The following NMNAT3 variants were observed in gnomAD, a reference collection of about 807,000 sequenced individuals.
NMNAT3 encodes the protein nicotinamide/nicotinic acid mononucleotide adenylyltransferase 3.
NMNAT3 carries 21 observed loss-of-function variants against 24.8 expected under a neutral mutation model. The ratio of observed to expected loss-of-function variants is 0.85; its 90% CI spans 0.60 to 1.22. The LOEUF (loss-of-function observed/expected upper bound fraction) is 1.22, where lower values mean the gene tolerates loss of function less well. Ranked by LOEUF, NMNAT3 falls within the 50% of genes most tolerant of loss-of-function variation. The probability of loss-of-function intolerance (pLI) is 0.00; values close to 1 mark genes in which losing one functional copy is unlikely to be tolerated. For missense variants in NMNAT3, 387 were observed against 436.6 expected, an observed-to-expected ratio of 0.89 and a Z score of 1.01; for synonymous variants, 136 against 155.2, an observed-to-expected ratio of 0.88 and a Z score of 0.92.
intron 3 of NMNAT3, among the ~76,000 whole-genome samples, chr3:139,604,561 A>G (rs1013000814): frequency 6.6e-6 from 1 of 152,206 alleles, no homozygotes; most frequent in African/African-American, 2.4e-5. Flanking sequence ...AAACTGTGGC[A>G]TGAAGAGGTT....
intron 3 of NMNAT3, among the ~76,000 whole-genome samples, chr3:139,621,081 C>T (rs1195866662): frequency 6.6e-6 from 1 of 152,178 alleles, no homozygotes; most frequent in African/African-American, 2.4e-5. Context: ...TGCAATTGGC[C>T]ATATTTAACT....
chr3:139,598,628 C>T lies in NMNAT3; in HGVS notation c.110-15420G>A, dbSNP rs1003888653. Among the ~76,000 whole-genome samples the T allele has an allele frequency of 2.6e-5, 4 of 152,124 alleles. No individual in the cohort carries two copies. The East Asian group carries it at 5.8e-4, about 22-fold the overall frequency. On this transcript the variant is annotated intron_variant, in intron 3 of 6. Transcript: ENST00000643695. The stretch of plus-strand genomic sequence containing the variant: ...AGCTGAGTCCCCAGGTATCATGGAG[C>T]AGGGACAAGCCACCCAGTTGTGCTC...
chr3:139,637,276 C>T (rs2056536440), intron 2 of NMNAT3: 1 of 152,170 alleles, frequency 6.6e-6, no homozygotes, highest in Non-Finnish European at 1.5e-5. Flanking sequence ...CTTTGTCCCT[C>T]AATCCATGAC....
chr3:139,655,440 CAAGT>C (rs1370404943), intron 1 of NMNAT3, among the ~76,000 whole-genome samples: 3 of 152,348 alleles, frequency 2.0e-5, no homozygotes, highest in East Asian at 3.9e-4. Context: ...CTCCAACTAA[CAAGT>C]AAGTCTGCCT....
chr3:139,630,877 G>A (rs1467121390), intron 2 of NMNAT3, among the ~76,000 whole-genome samples: 1 of 152,048 alleles, frequency 6.6e-6, no homozygotes, highest in African/African-American at 2.4e-5. Context: ...TATCTGAAAA[G>A]GTGGCTGTTT....
At chr3:139,573,243 T>G (rs776191163) in intron 6 of NMNAT3, among the ~76,000 whole-genome samples, 1 of 152,226 alleles carries the variant, frequency 6.6e-6, no homozygotes, top group Non-Finnish European at 1.5e-5. Flanking sequence ...TAATGGCATA[T>G]TTTACATTCA....
At chr3:139,656,993 G>GT (rs2057266803) in intron 1 of NMNAT3, among the ~76,000 whole-genome samples, 1 of 152,210 alleles carries the variant, frequency 6.6e-6, no homozygotes, top group Admixed American at 6.5e-5. Context: ...TACTGTACCT[G>GT]TAACTACACT....
chr3:139,604,740 A>G (rs2054865627), intron 3 of NMNAT3, among the ~76,000 whole-genome samples: 1 of 152,202 alleles, frequency 6.6e-6, no homozygotes, highest in Admixed American at 6.5e-5. Context: ...GTATAAATAT[A>G]TCATCTTGCA....
intron 6 of NMNAT3, chr3:139,566,623 C>A (rs1937267738): frequency 6.6e-6 from 1 of 152,090 alleles, no homozygotes; most frequent in South Asian, 2.1e-4. Context: ...ATAGGGAATC[C>A]TTTCCCCATT....
chr3:139,667,494 A>G lies in NMNAT3; in HGVS notation c.-141+10211T>C, dbSNP rs763432045. ...TGCTATTGAGTTGAGTTCTTCATAT[A>G]GGCTTGTTATTAATTCCTTGTCAGA... On this transcript the variant is annotated intron_variant, in intron 1 of 6. Transcript: ENST00000643695. Among the ~76,000 whole-genome samples the G allele has an allele frequency of 4.9e-4, 75 of 152,098 alleles. 2 individuals are homozygous for G. The highest frequency in any genetic ancestry group is 2.0e-3 in the Admixed American group (30 of 15,266).
chr3:139,674,102 C>A (rs1237426159), intron 1 of NMNAT3, among the ~76,000 whole-genome samples: 1 of 152,106 alleles, frequency 6.6e-6, no homozygotes, highest in Non-Finnish European at 1.5e-5. Context: ...GGAAGGCAGC[C>A]CAGACACAGC....
intron 1 of NMNAT3, among the ~76,000 whole-genome samples, chr3:139,666,095 T>C (rs2057572059): frequency 6.6e-6 from 1 of 152,192 alleles, no homozygotes; most frequent in Non-Finnish European, 1.5e-5. Flanking sequence ...TAGTCAGACA[T>C]GTTGGAGACC....
At chr3:139,599,487 C>T in intron 3 of NMNAT3, 1 of 689,322 alleles carries the variant, frequency 1.5e-6, no homozygotes, top group Admixed American at 2.1e-5. Context: ...TCAGGAGCAA[C>T]TGTCACAAGT....
intron 6 of NMNAT3, among the ~76,000 whole-genome samples, chr3:139,562,805 T>C (rs1446194619): frequency 6.6e-6 from 1 of 152,332 alleles, no homozygotes; most frequent in East Asian, 1.9e-4. Flanking sequence ...TGATGAGCTC[T>C]AGACTCATTT....
rs1240407948 is a variant in NMNAT3, at chr3:139,561,490, T to C, written c.659-98A>G. Reference sequence around the variant, plus strand: ...TCTCACAAAATGCTTTTCTTGGATGTATCGAGAACTCAGTGTCTCCATGTT... The same window carrying C: ...TCTCACAAAATGCTTTTCTTGGATGCATCGAGAACTCAGTGTCTCCATGTT... On this transcript the variant is annotated intron_variant, in intron 6 of 6. Coordinates refer to ENST00000643695, the MANE Select transcript of NMNAT3 (RefSeq NM_001320510.2). The C allele has an allele frequency of 2.3e-5, 24 of 1,051,778 alleles. No individual in the cohort carries two copies. The Admixed American group carries it at 5.7e-4, about 25-fold the overall frequency. The allele number at this position is 1,051,778 out of a possible 1,614,324, so 65.2% of individuals were successfully genotyped here. A position where few individuals can be genotyped will look rare whatever the true frequency, so the allele number is the denominator to read the frequency against.
intron 1 of NMNAT3, among the ~76,000 whole-genome samples, chr3:139,649,509 C>T (rs1479640133): frequency 1.3e-5 from 2 of 152,196 alleles, no homozygotes; most frequent in Admixed American, 6.5e-5. Context: ...CTCAGTTTCA[C>T]ACAAAAGCCA....
intron 4 of NMNAT3, among the ~76,000 whole-genome samples, chr3:139,580,854 A>C (rs543059389): frequency 6.6e-6 from 1 of 152,326 alleles, no homozygotes; most frequent in African/African-American, 2.4e-5. Context: ...AAGCAATGAA[A>C]GTTATCACAA....
Position 139,618,957 on chromosome 3 carries a change from G to A in NMNAT3, c.109+8659C>T, listed in dbSNP as rs561541533. Among the ~76,000 whole-genome samples the A allele has an allele frequency of 9.2e-5, 14 of 152,196 alleles. No individual in the cohort carries two copies. In the South Asian group the frequency reaches 2.1e-3, roughly 23 times the overall value. Reference sequence around the variant, plus strand: ...ATCTTGTCAGCCTTATGTTTCTCCCGTGCACTGGAACGTGATTCTCCTCCA... The same window carrying A: ...ATCTTGTCAGCCTTATGTTTCTCCCATGCACTGGAACGTGATTCTCCTCCA... On this transcript the variant is annotated intron_variant, in intron 3 of 6. Coordinates refer to ENST00000643695, the MANE Select transcript of NMNAT3 (RefSeq NM_001320510.2).
intron 1 of NMNAT3, among the ~76,000 whole-genome samples, chr3:139,641,881 G>C (rs955864504): frequency 3.3e-5 from 5 of 152,086 alleles, no homozygotes; most frequent in African/African-American, 9.7e-5. Flanking sequence ...TTGCTTCAGG[G>C]GATAAGAGGC....
Sources: gnomAD v4.1 joint callset for allele counts (sites outside exome capture counted in the v4.1 genomes callset) on GRCh38, gnomAD v4.1.1 for gene constraint, MANE v1.5 for transcripts, NCBI Gene and HGNC (gene_info 2026-07-23, HGNC 2026-07-21) for gene names.